The following COL21A1 variants were observed in gnomAD, a reference collection of about 807,000 sequenced individuals.
The protein encoded by COL21A1 is collagen alpha-1(XXI) chain.
A neutral mutation model predicts 137.9 loss-of-function variants in COL21A1; 149 were observed. The ratio of observed to expected loss-of-function variants is 1.08; its 90% CI spans 0.95 to 1.24. The LOEUF is 1.24. COL21A1 is among the 50% of genes most tolerant of loss of function. The probability of loss-of-function intolerance (pLI) is 0.00; values close to 1 mark genes in which losing one functional copy is unlikely to be tolerated. For missense variants in COL21A1, 1,167 were observed against 1,158.4 expected, an observed-to-expected ratio of 1.01 and a Z score of -0.11; for synonymous variants, 456 against 391.5, an observed-to-expected ratio of 1.16 and a Z score of -1.95.
intron 1 of COL21A1, among the ~76,000 whole-genome samples, chr6:56,363,739 T>C (rs1766029626): frequency 6.6e-6 from 1 of 152,092 alleles, no homozygotes; most frequent in Admixed American, 6.6e-5. Context: ...TTAGCATCAC[T>C]GCTCTCTGCC....
intron 1 of COL21A1, among the ~76,000 whole-genome samples, chr6:56,254,988 A>G (rs748863392): frequency 2.0e-5 from 3 of 152,220 alleles, no homozygotes; most frequent in Non-Finnish European, 2.9e-5. Context: ...TTCCTCAGGT[A>G]AATGACTCAG....
intron 1 of COL21A1, among the ~76,000 whole-genome samples, chr6:56,303,223 G>A (rs962822127): frequency 6.6e-6 from 1 of 152,086 alleles, no homozygotes; most frequent in Non-Finnish European, 1.5e-5. Context: ...GCTCTTTTTT[G>A]GGTCCATATG....
At chr6:56,144,426 T>C (rs1774678032) in intron 10 of COL21A1, among the ~76,000 whole-genome samples, 2 of 152,188 alleles carry the variant, frequency 1.3e-5, no homozygotes, top group Admixed American at 1.3e-4. Context: ...AGGAAAGGAA[T>C]GTTCATAAAA....
chr6:56,199,948 T>C (rs1399029775), intron 1 of COL21A1, among the ~76,000 whole-genome samples: 1 of 152,172 alleles, frequency 6.6e-6, no homozygotes, highest in Admixed American at 6.6e-5. Flanking sequence ...GGTAAGTGTA[T>C]AATGAAAACA....
At chr6:56,347,578 T>C (rs957158615) in intron 1 of COL21A1, among the ~76,000 whole-genome samples, 3 of 147,424 alleles carry the variant, frequency 2.0e-5, no homozygotes, top group Non-Finnish European at 4.5e-5. Flanking sequence ...GACCAGATAA[T>C]TGAATCAGAG....
intron 17 of COL21A1, among the ~76,000 whole-genome samples, chr6:56,090,599 C>A (rs1281766216): frequency 6.6e-6 from 1 of 152,048 alleles, no homozygotes; most frequent in African/African-American, 2.4e-5. Context: ...TGAGCATTTA[C>A]ATTATTTTAG....
intron 3 of COL21A1, among the ~76,000 whole-genome samples, chr6:56,178,938 A>G (rs1777688962): frequency 6.6e-6 from 1 of 152,120 alleles, no homozygotes; most frequent in Non-Finnish European, 1.5e-5. Context: ...TCTAGCTCAG[A>G]ATTATGTACA....
intron 1 of COL21A1, among the ~76,000 whole-genome samples, chr6:56,191,360 G>C (rs1778660137): frequency 6.6e-6 from 1 of 151,708 alleles, no homozygotes. Flanking sequence ...GCAGAGGTGG[G>C]CGGATCACGA....
chr6:56,060,867 CTG>C, intron 26 of COL21A1, 22 bp downstream of exon 26: 3 of 1,583,826 alleles, frequency 1.9e-6, no homozygotes, highest in East Asian at 2.3e-5. Flanking sequence ...AATGTAATAA[CTG>C]TGAAAGAAGC....
At chr6:56,134,697 T>C (rs551280580) in intron 12 of COL21A1, among the ~76,000 whole-genome samples, 65 of 152,226 alleles carry the variant, frequency 4.3e-4, no homozygotes, top group African/African-American at 1.5e-3. Flanking sequence ...AATCATGGGG[T>C]GGGTCTTTCC....
intron 1 of COL21A1, among the ~76,000 whole-genome samples, chr6:56,334,159 T>G (rs1259059373): frequency 6.6e-6 from 1 of 152,128 alleles, no homozygotes; most frequent in Non-Finnish European, 1.5e-5. Flanking sequence ...CTTTCTGTTA[T>G]TTGTAAAATT....
At chr6:56,305,663 A>C (rs1371176350) in intron 1 of COL21A1, among the ~76,000 whole-genome samples, 1 of 152,138 alleles carries the variant, frequency 6.6e-6, no homozygotes, top group Non-Finnish European at 1.5e-5. Flanking sequence ...AATACAACAC[A>C]CTGATGGGTC....
rs573053948 is a variant in COL21A1 at position 56,114,513 on chromosome 6, G to T, written c.1758+9549C>A. 7.3e-3 allele frequency among the ~76,000 whole-genome samples: 1,108 copies of T among 152,196 alleles called. 15 individuals are homozygous for T. Among genetic ancestry groups the T allele is most frequent in the African/African-American group, 0.025 (1,041 of 41,512 alleles). Reference sequence around the variant, plus strand: ...CAACCCCATCAAAAAGTGGGCGAAGGACATGAACAGACACTTCTCAAAAGA... The same window carrying T: ...CAACCCCATCAAAAAGTGGGCGAAGTACATGAACAGACACTTCTCAAAAGA... On this transcript the variant is annotated intron_variant, in intron 16 of 29. Coordinates refer to ENST00000244728, the MANE Select transcript of COL21A1 (RefSeq NM_030820.4).
chr6:56,130,593 T>C (rs1010422120), intron 12 of COL21A1, among the ~76,000 whole-genome samples: 27 of 152,176 alleles, frequency 1.8e-4, no homozygotes, highest in Non-Finnish European at 1.6e-4. Flanking sequence ...CTTTCTTTTA[T>C]TGGAGATGGC....
intron 14 of COL21A1, 138 bp from the exon 15 acceptor site, chr6:56,124,430 T>C (rs1238843758): frequency 1.3e-6 from 1 of 757,390 alleles, no homozygotes; most frequent in Non-Finnish European, 2.2e-6. Flanking sequence ...ATGTTGACTC[T>C]GCAAAGCACT....
At chr6:56,310,581 A>G (rs1764587856) in intron 1 of COL21A1, among the ~76,000 whole-genome samples, 1 of 152,184 alleles carries the variant, frequency 6.6e-6, no homozygotes, top group African/African-American at 2.4e-5. Flanking sequence ...TAGGACTATT[A>G]CTGACTCATA....
intron 17 of COL21A1, among the ~76,000 whole-genome samples, chr6:56,091,255 CTT>C (rs1195451428): frequency 6.6e-6 from 1 of 152,112 alleles, no homozygotes; most frequent in African/African-American, 2.4e-5. Context: ...CTACTTGTCT[CTT>C]AAGTACATGG....
intron 1 of COL21A1, among the ~76,000 whole-genome samples, chr6:56,219,910 A>G (rs896993324): frequency 6.6e-6 from 1 of 152,206 alleles, no homozygotes; most frequent in Non-Finnish European, 1.5e-5. Context: ...TGTTATGAAG[A>G]TATAATAATC....
At chr6:56,070,401 A>G (rs1766639528) in intron 21 of COL21A1, among the ~76,000 whole-genome samples, 2 of 151,512 alleles carry the variant, frequency 1.3e-5, no homozygotes, top group Admixed American at 1.3e-4. Context: ...CCCATAAGCA[A>G]ACAAAGAACA....
Sources: allele counts gnomAD v4.1 joint callset (sites outside exome capture counted in the v4.1 genomes callset), GRCh38; gene constraint gnomAD v4.1.1; transcripts MANE v1.5; gene names NCBI Gene and HGNC (gene_info 2026-07-23, HGNC 2026-07-21).